TMTC2: variants seen among roughly 807,000 people sequenced by gnomAD.
TMTC2 encodes the protein protein O-mannosyl-transferase TMTC2.
In TMTC2, 43 loss-of-function variants were observed where a neutral mutation model predicts 82.4. The observed-to-expected ratio is 0.52, with a 90% CI of 0.41 to 0.67. The LOEUF (loss-of-function observed/expected upper bound fraction) is 0.67, where lower values mean the gene tolerates loss of function less well. Ranked by LOEUF, TMTC2 falls within the 30% of genes least tolerant of loss-of-function variation. The pLI, the probability that TMTC2 is intolerant of heterozygous loss-of-function variation, is 0.00. For missense variants in TMTC2, 919 were observed against 1,012.4 expected (o/e 0.91, Z 1.25); for synonymous variants, 408 against 381.9 (o/e 1.07, Z -0.80).
intron 11 of TMTC2, among the ~76,000 whole-genome samples, chr12:83,063,233 T>C (rs1033520576): frequency 6.6e-6 from 1 of 151,718 alleles, no homozygotes; most frequent in Admixed American, 6.6e-5. Context: ...AGGGTCTTAT[T>C]ACCTACCACA....
chr12:82,998,694 C>G (rs2137362875), intron 8 of TMTC2, among the ~76,000 whole-genome samples: 2 of 152,138 alleles, frequency 1.3e-5, no homozygotes, highest in African/African-American at 4.8e-5. Context: ...TGAGATTTTT[C>G]CTTTAACTGG....
intron 1 of TMTC2, among the ~76,000 whole-genome samples, chr12:82,692,977 A>C (rs1471883647): frequency 6.6e-6 from 1 of 152,236 alleles, no homozygotes; most frequent in Non-Finnish European, 1.5e-5. Context: ...GAATAAACTT[A>C]CATTCAATAA....
intron 11 of TMTC2, among the ~76,000 whole-genome samples, chr12:83,108,060 G>T (rs927559124): frequency 6.6e-6 from 1 of 151,848 alleles, no homozygotes; most frequent in Non-Finnish European, 1.5e-5. Flanking sequence ...CTTCTCCTTC[G>T]CCTTCTTGCC....
In TMTC2 at chr12:82,730,296, C is replaced by CAAA. The variant is rs368959079; in HGVS notation, c.83+42645_83+42647dup. On this transcript the variant is annotated intron_variant, in intron 1 of 11. Transcript: ENST00000321196. ...GGCAACAGAGCAAAACTCTGTCTCT[C>CAAA]AAAAAAAAAAAAAAAAAAAAGCAGA... is the stretch of plus-strand genomic sequence containing the variant. 8.2e-3 allele frequency among the ~76,000 whole-genome samples: 648 copies of CAAA among 78,968 alleles called. 21 individuals are homozygous for CAAA. The highest frequency in any genetic ancestry group is 0.025 in the African/African-American group (482 of 19,592). 51.8% of individuals were successfully genotyped at this position (78,968 alleles called of 152,430 possible).
intron 10 of TMTC2, among the ~76,000 whole-genome samples, chr12:83,061,527 A>G (rs1882740166): frequency 6.6e-6 from 1 of 151,722 alleles, no homozygotes; most frequent in Non-Finnish European, 1.5e-5. Flanking sequence ...CTAATTCCTA[A>G]TATGTAAATG....
chr12:83,054,928 G>A (rs1882484914), intron 10 of TMTC2, among the ~76,000 whole-genome samples: 1 of 151,940 alleles, frequency 6.6e-6, no homozygotes, highest in South Asian at 2.1e-4. Flanking sequence ...AATCATTCTT[G>A]CTATTTTGTG....
At chr12:83,050,694 A>G (rs115618905) in intron 9 of TMTC2, among the ~76,000 whole-genome samples, 2,931 of 151,734 alleles carry the variant, frequency 0.019, 86 homozygotes, top group African/African-American at 0.068. Flanking sequence ...ATTTCTTTTT[A>G]AGAAAAAAAA....
chr12:82,819,889 T>G (rs1385455569), intron 1 of TMTC2, among the ~76,000 whole-genome samples: 2 of 152,104 alleles, frequency 1.3e-5, no homozygotes, highest in African/African-American at 4.8e-5. Context: ...GAGAGTTTAT[T>G]AAGGAGTTTG....
chr12:82,770,368 T>C (rs1592507603), intron 1 of TMTC2, among the ~76,000 whole-genome samples: 1 of 152,302 alleles, frequency 6.6e-6, no homozygotes, highest in East Asian at 1.9e-4. Flanking sequence ...AAATATGTTT[T>C]ACTCTATTGC....
intron 4 of TMTC2, among the ~76,000 whole-genome samples, chr12:82,944,907 A>C (rs947040578): frequency 1.3e-5 from 2 of 152,206 alleles, no homozygotes; most frequent in Non-Finnish European, 2.9e-5. Context: ...AAATATATGG[A>C]CACAAAGACC....
rs747440491 is a variant in TMTC2, at chr12:82,801,261, G to T, written c.84-55749G>T. 2.7e-4 allele frequency among the ~76,000 whole-genome samples: 41 copies of T among 152,200 alleles called. No individual in the cohort carries two copies. The Middle Eastern group carries it at 0.01, about 38-fold the overall frequency. On this transcript the variant is annotated intron_variant, in intron 1 of 11. Coordinates refer to ENST00000321196, the MANE Select transcript of TMTC2 (RefSeq NM_152588.3). ...CTTAAAGGCGGTGTGTCCGGAGTTTGTTCTTTCCTCCCGGTGGGTTTGTGG... is the reference window on the plus strand; with the variant it reads ...CTTAAAGGCGGTGTGTCCGGAGTTTTTTCTTTCCTCCCGGTGGGTTTGTGG...
intron 9 of TMTC2, among the ~76,000 whole-genome samples, chr12:83,049,872 G>A (rs1199413031): frequency 3.3e-5 from 5 of 152,186 alleles, no homozygotes; most frequent in South Asian, 4.1e-4. Context: ...GTGTGAGATG[G>A]TATCTCATTG....
In TMTC2 at chr12:83,094,099, GCA is replaced by G. The variant is rs1160299196; in HGVS notation, c.2331+32273_2331+32274del. ...GAGCTGTGGTGTCTGCCTTTGAGGA[GCA>G]CACAGTTTTGTGAAAGGGAAAAACA... On this transcript the variant is annotated intron_variant, in intron 11 of 11. Transcript: ENST00000321196. Among the ~76,000 whole-genome samples, 8 of 152,340 alleles carry G rather than the reference GCA, an allele frequency of 5.3e-5. No homozygotes were observed. In the East Asian group the frequency reaches 1.3e-3, roughly 26 times the overall value.
At chr12:82,854,898 G>T (rs747681835) in intron 1 of TMTC2, among the ~76,000 whole-genome samples, 18 of 152,066 alleles carry the variant, frequency 1.2e-4, no homozygotes, top group Non-Finnish European at 2.4e-4. Context: ...AATTTCCCAG[G>T]TTATGGGTCA....
At chr12:82,862,680 C>G (rs1165866800) in intron 2 of TMTC2, among the ~76,000 whole-genome samples, 1 of 152,088 alleles carries the variant, frequency 6.6e-6, no homozygotes, top group African/African-American at 2.4e-5. Flanking sequence ...TTCCAGTCAT[C>G]TCTTTCTAGA....
intron 1 of TMTC2, among the ~76,000 whole-genome samples, chr12:82,698,894 C>T (rs1872942191): frequency 6.6e-6 from 1 of 151,962 alleles, no homozygotes; most frequent in Non-Finnish European, 1.5e-5. Context: ...ATTCGCTGGA[C>T]CAAAGGATGA....
chr12:82,925,697 T>C (rs1257416400), intron 3 of TMTC2, among the ~76,000 whole-genome samples: 1 of 152,230 alleles, frequency 6.6e-6, no homozygotes, highest in Non-Finnish European at 1.5e-5. Flanking sequence ...ATTGTGACTA[T>C]GCCCATATAA....
chr12:82,892,399 TAATAA>T (rs1873442981), intron 2 of TMTC2, among the ~76,000 whole-genome samples: 1 of 152,218 alleles, frequency 6.6e-6, no homozygotes, highest in Non-Finnish European at 1.5e-5. Flanking sequence ...CTTTTTAGCA[TAATAA>T]ATGCAATAAT....
chr12:83,132,342 C>T lies in TMTC2; in HGVS notation c.2464C>T (p.Leu822=). The T allele has an allele frequency of 1.2e-6, 2 of 1,614,050 alleles. No homozygotes were observed. The highest frequency in any genetic ancestry group is 2.2e-5 in the East Asian group (1 of 44,862). ...CATCACACAGTCCAATCTCCGCAAACTGTGGAACATCATGGAAAAACAAGG... is the reference window on the plus strand; with the variant it reads ...CATCACACAGTCCAATCTCCGCAAATTGTGGAACATCATGGAAAAACAAGG... ...DVITQSNLRK[L]WNIMEKQGLK... The change falls in exon 12 of 12, where the codon CTG becomes TTG. Residue 822 remains leucine, a synonymous_variant. Transcript: ENST00000321196.
Sources: gnomAD v4.1 joint callset for allele counts (sites outside exome capture counted in the v4.1 genomes callset) on GRCh38, gnomAD v4.1.1 for gene constraint, MANE v1.5 for transcripts, NCBI Gene and HGNC (gene_info 2026-07-23, HGNC 2026-07-21) for gene names.